The following UGT3A2 variants were observed in gnomAD, a reference collection of about 807,000 sequenced individuals.
UGT3A2 encodes UDP-glycosyltransferase 3A2.
In UGT3A2, 32 loss-of-function variants were observed where a neutral mutation model predicts 39.8. The ratio of observed to expected loss-of-function variants is 0.80; its 90% CI spans 0.61 to 1.08. The LOEUF (loss-of-function observed/expected upper bound fraction) is 1.08. UGT3A2 is among the 50% of genes least tolerant of loss of function. UGT3A2 has a pLI of 0.00. For synonymous variants in UGT3A2, 241 were observed against 230.7 expected (o/e 1.04, Z -0.40); for missense variants, 611 against 637.1 (o/e 0.96, Z 0.44).
rs1466410454 is a variant in UGT3A2, at chr5:36,035,590, G to A, written c.*108C>T. On this transcript the variant is annotated 3_prime_UTR_variant, in exon 7 of 7. Coordinates refer to ENST00000282507, the MANE Select transcript of UGT3A2 (RefSeq NM_174914.4). Reference sequence around the variant, plus strand: ...ATTTTTCCTGTTCTTCAAGAAAACAGGAGATAACTAGAAGGACTAGAGAAT... The same window carrying A: ...ATTTTTCCTGTTCTTCAAGAAAACAAGAGATAACTAGAAGGACTAGAGAAT... The A allele has an allele frequency of 6.9e-7, 1 of 1,454,388 alleles. No homozygotes were observed. The highest frequency in any genetic ancestry group is 9.2e-7 in the Non-Finnish European group (1 of 1,087,374). 90.1% of individuals were successfully genotyped at this position (1,454,388 alleles called of 1,614,324 possible).
chr5:36,063,748 C>T (rs1742789920), intron 2 of UGT3A2, among the ~76,000 whole-genome samples: 1 of 152,072 alleles, frequency 6.6e-6, no homozygotes, highest in East Asian at 1.9e-4. Flanking sequence ...CGATCCTCCA[C>T]CCTCAGCCTC....
chr5:36,062,943 A>C lies in UGT3A2; in HGVS notation c.196+1306T>G, dbSNP rs988458534. 4.6e-5 allele frequency among the ~76,000 whole-genome samples: 7 copies of C among 152,188 alleles called. No individual in the cohort carries two copies. The East Asian group carries it at 7.7e-4, about 17-fold the overall frequency. On this transcript the variant is annotated intron_variant, in intron 2 of 6. Coordinates refer to ENST00000282507, the MANE Select transcript of UGT3A2 (RefSeq NM_174914.4). ...GTAATGTCAGCTACTCAGGAGGCTG[A>C]GGCAGGAGAATTGCTTGAGCCCAGG...
At chr5:36,037,716 CA>C (rs1236913068) in intron 6 of UGT3A2, 80 bp downstream of exon 6, 1 of 1,501,500 alleles carries the variant, frequency 6.7e-7, no homozygotes. Flanking sequence ...AAAACAAAAC[CA>C]AAAAAACAGA....
chr5:36,059,642 C>T (rs1309200177), intron 2 of UGT3A2, among the ~76,000 whole-genome samples: 3 of 152,138 alleles, frequency 2.0e-5, no homozygotes, highest in East Asian at 1.9e-4. Context: ...AAGGATAAGC[C>T]TCAGATTTGC....
chr5:36,066,688 G>C lies in UGT3A2; in HGVS notation c.94+8C>G, dbSNP rs373702242. On this transcript the variant is annotated splice_region_variant and intron_variant, in intron 1 of 6. Coordinates refer to ENST00000282507, the MANE Select transcript of UGT3A2 (RefSeq NM_174914.4). ...GCCTGTCTGGGAATTCTCCGGCCAA[G>C]CACTCACCTACTGTAGATATTGTCA... The C allele has an allele frequency of 1.9e-6, 3 of 1,613,948 alleles. No homozygotes were observed. The African/African-American group carries it at 4.0e-5, about 22-fold the overall frequency.
rs757235597 is a variant in UGT3A2, at chr5:36,048,957, G to T, written c.775C>A (p.Arg259=). ...INSDFAFDFA[R]PLLPNTVYVG... ...TAAACAGTGTTGGGAAGCAGAGGTC[G>T]AGCAAAATCAAAGGCAAAGTCAGAG... The change falls in exon 4 of 7, where the codon CGA becomes AGA. Residue 259 remains arginine, a synonymous_variant. Transcript: ENST00000282507. 6.2e-7 allele frequency: 1 copy of T among 1,614,104 alleles called. No individual in the cohort carries two copies. Among genetic ancestry groups the T allele is most frequent in the Admixed American group, 1.7e-5 (1 of 60,008 alleles).
intron 2 of UGT3A2, among the ~76,000 whole-genome samples, chr5:36,059,361 C>CT (rs35872759): frequency 0.081 from 9,569 of 118,642 alleles, 477 homozygotes; most frequent in African/African-American, 0.13. Flanking sequence ...TTTCTTTTCT[C>CT]TTTTTTTTTT....
intron 2 of UGT3A2, among the ~76,000 whole-genome samples, chr5:36,062,217 C>A (rs1418032296): frequency 4.0e-5 from 6 of 148,170 alleles, no homozygotes; most frequent in Non-Finnish European, 1.5e-5. Flanking sequence ...ATGGTAGTTT[C>A]TTTTGCTGTG....
intron 4 of UGT3A2, among the ~76,000 whole-genome samples, chr5:36,040,789 G>A (rs935628121): frequency 6.6e-6 from 1 of 152,184 alleles, no homozygotes; most frequent in African/African-American, 2.4e-5. Context: ...AATCCCTGGA[G>A]TGCACATGAC....
At chr5:36,049,497 A>T in intron 3 of UGT3A2, 77 bp from the exon 4 acceptor site, 1 of 1,174,322 alleles carries the variant, frequency 8.5e-7, no homozygotes, top group East Asian at 2.5e-5. Context: ...TGAGATACAA[A>T]GAAAATATCC....
In UGT3A2 at chr5:36,049,435, T is replaced by A; in HGVS notation, c.312-15A>T. The A allele has an allele frequency of 6.6e-7, 1 of 1,516,400 alleles. No homozygotes were observed. The highest frequency in any genetic ancestry group is 8.9e-7 in the Non-Finnish European group (1 of 1,128,678). 93.9% of individuals were successfully genotyped at this position (1,516,400 alleles called of 1,614,324 possible). A position where few individuals can be genotyped will look rare whatever the true frequency, so the allele number is the denominator to read the frequency against. On this transcript the variant is annotated splice_polypyrimidine_tract_variant and intron_variant, in intron 3 of 6. Transcript: ENST00000282507. ...CAAATTTTCCTCTGTAAGAAAAAAA[T>A]GATAATAAATATTCATGGGAAGTGT...
intron 5 of UGT3A2, 102 bp from the exon 6 acceptor site, chr5:36,038,118 G>T: frequency 8.3e-7 from 1 of 1,206,252 alleles, no homozygotes. Flanking sequence ...ATCTAGTGGT[G>T]TGTTGGAGAC....
chr5:36,040,875 G>C (rs116502256), intron 4 of UGT3A2, among the ~76,000 whole-genome samples: 2,126 of 152,272 alleles, frequency 0.014, 34 homozygotes, highest in African/African-American at 0.049. Context: ...GGGCAGCTCA[G>C]AGCTCCAGGA....
intron 2 of UGT3A2, among the ~76,000 whole-genome samples, chr5:36,060,414 A>G (rs1209044584): frequency 6.6e-6 from 1 of 152,144 alleles, no homozygotes; most frequent in Non-Finnish European, 1.5e-5. Flanking sequence ...GAGGGCAGTC[A>G]CGCCCCAAGT....
At chr5:36,056,200 T>C (rs1174373558) in intron 2 of UGT3A2, among the ~76,000 whole-genome samples, 1 of 152,218 alleles carries the variant, frequency 6.6e-6, no homozygotes, top group Non-Finnish European at 1.5e-5. Flanking sequence ...CAAGAATAAC[T>C]GCAGAAAGTG....
rs1742811282 is a variant in UGT3A2, at chr5:36,064,318, A to G, written c.127T>C (p.Ser43Pro). Residue 43 changes from serine to proline, a missense_variant, in exon 2 of 7, where the codon TCT becomes CCT. Ser to Pro is a moderately conservative substitution (Grantham distance 74). Transcript: ENST00000282507. Reference sequence around the variant, plus strand: ...TGACCGTGATCTTGAAGAATCTGAGAAACCCGGTCCATCAGTAGATAATGG... The same window carrying G: ...TGACCGTGATCTTGAAGAATCTGAGGAACCCGGTCCATCAGTAGATAATGG... ...GSHYLLMDRV[S>P]QILQDHGHNV... is the part of the protein sequence containing the mutation. The G allele has an allele frequency of 6.2e-7, 1 of 1,614,180 alleles. No individual in the cohort carries two copies. The highest frequency in any genetic ancestry group is 1.7e-5 in the Admixed American group (1 of 60,016).
intron 4 of UGT3A2, among the ~76,000 whole-genome samples, chr5:36,045,173 A>G (rs1193359985): frequency 1.3e-5 from 2 of 152,212 alleles, no homozygotes; most frequent in African/African-American, 4.8e-5. Context: ...CAACCCAGCA[A>G]TAAATCCATA....
At chr5:36,037,666 C>A in intron 6 of UGT3A2, 131 bp downstream of exon 6, 1 of 930,296 alleles carries the variant, frequency 1.1e-6, no homozygotes, top group Non-Finnish European at 1.6e-6. Context: ...CACATATTAT[C>A]CCATGTCCTG....
At chr5:36,044,313 A>G (rs995250762) in intron 4 of UGT3A2, among the ~76,000 whole-genome samples, 4 of 152,162 alleles carry the variant, frequency 2.6e-5, no homozygotes, top group Non-Finnish European at 5.9e-5. Flanking sequence ...AACCCTAAAA[A>G]AACTGATTAT....
Sources: allele counts gnomAD v4.1 joint callset (sites outside exome capture counted in the v4.1 genomes callset), GRCh38; gene constraint gnomAD v4.1.1; transcripts MANE v1.5; gene names NCBI Gene and HGNC (gene_info 2026-07-23, HGNC 2026-07-21).